Variants in TBC1D9 observed in about 807,000 individuals in gnomAD.
TBC1D9 encodes the protein TBC1 domain family member 9A.
A neutral mutation model predicts 132.0 loss-of-function variants in TBC1D9; 63 were observed. The ratio of observed to expected loss-of-function variants is 0.48; its 90% CI spans 0.39 to 0.59. TBC1D9 has a LOEUF of 0.59. Among genes scored for constraint, TBC1D9 ranks in the 20% least tolerant of loss-of-function variants. The probability of loss-of-function intolerance (pLI) is 0.00; values close to 1 mark genes in which losing one functional copy is unlikely to be tolerated. For synonymous variants in TBC1D9, 610 were observed against 609.9 expected, an observed-to-expected ratio of 1.00 and a Z score of 0.00; for missense variants, 1,261 against 1,592.7, an observed-to-expected ratio of 0.79 and a Z score of 3.54.
At chr4:140,643,060 G>A in intron 13 of TBC1D9, 4 of 1,272,466 alleles carry the variant, frequency 3.1e-6, no homozygotes, top group Non-Finnish European at 4.4e-6. Flanking sequence ...TCCTTCTTGC[G>A]CATCCAGCTG....
chr4:140,711,206 T>C (rs2111048271), intron 1 of TBC1D9, among the ~76,000 whole-genome samples: 1 of 152,334 alleles, frequency 6.6e-6, no homozygotes, highest in Admixed American at 6.5e-5. Flanking sequence ...GATGCTATTG[T>C]CTTAGATTTA....
intron 5 of TBC1D9, among the ~76,000 whole-genome samples, chr4:140,677,326 C>A (rs1737641366): frequency 6.6e-6 from 1 of 152,114 alleles, no homozygotes; most frequent in South Asian, 2.1e-4. Flanking sequence ...CACTTATAAT[C>A]CATGTCTGTA....
rs184851510 is a variant in TBC1D9 at position 140,654,263 on chromosome 4, G to A, written c.2337+2834C>T. On this transcript the variant is annotated intron_variant, in intron 13 of 20. Coordinates refer to ENST00000442267, the MANE Select transcript of TBC1D9 (RefSeq NM_015130.3). The stretch of plus-strand genomic sequence containing the variant: ...GGTCGGGTTGTACAATCTAATCCCG[G>A]TTGGCTAAACATTTGATTTTTTTAG... 6.9e-3 allele frequency among the ~76,000 whole-genome samples: 1,056 copies of A among 152,262 alleles called. 12 individuals are homozygous for A. Among genetic ancestry groups the A allele is most frequent in the Non-Finnish European group, 0.012 (810 of 68,022 alleles).
At chr4:140,734,245 C>T (rs1738640777) in intron 1 of TBC1D9, among the ~76,000 whole-genome samples, 1 of 152,188 alleles carries the variant, frequency 6.6e-6, no homozygotes, top group Non-Finnish European at 1.5e-5. Context: ...CCTCCCATCT[C>T]AGTCTCCCGA....
chr4:140,721,506 G>A (rs1026170593), intron 1 of TBC1D9, among the ~76,000 whole-genome samples: 2 of 152,070 alleles, frequency 1.3e-5, no homozygotes, highest in African/African-American at 2.4e-5. Context: ...GTGGAGTGTC[G>A]ATGCATCAGC....
intron 1 of TBC1D9, among the ~76,000 whole-genome samples, chr4:140,746,194 T>C (rs1324175463): frequency 6.6e-6 from 1 of 152,226 alleles, no homozygotes; most frequent in East Asian, 1.9e-4. Flanking sequence ...TTTAAATCTT[T>C]GTAAAGTTCA....
At chr4:140,690,534 C>T (rs907624591) in intron 2 of TBC1D9, among the ~76,000 whole-genome samples, 1 of 152,068 alleles carries the variant, frequency 6.6e-6, no homozygotes, top group African/African-American at 2.4e-5. Flanking sequence ...ACTTGTGTCA[C>T]ATGAAAAGGC....
At chr4:140,657,908 CTG>C (rs751411222) in intron 11 of TBC1D9, 96 bp from the exon 12 acceptor site, 13 of 1,340,424 alleles carry the variant, frequency 9.7e-6, no homozygotes, top group East Asian at 2.3e-5. Context: ...GCACAGGACT[CTG>C]TTCCTTTCTG....
chr4:140,742,070 T>C (rs902337975), intron 1 of TBC1D9, among the ~76,000 whole-genome samples: 5 of 152,172 alleles, frequency 3.3e-5, no homozygotes, highest in Admixed American at 3.3e-4. Flanking sequence ...CGGGCACATG[T>C]TCTCAGGTCC....
At chr4:140,681,762 G>A (rs1737705747) in intron 3 of TBC1D9, among the ~76,000 whole-genome samples, 1 of 152,164 alleles carries the variant, frequency 6.6e-6, no homozygotes, top group Admixed American at 6.5e-5. Context: ...CTCAGTGAAA[G>A]AGAAAAGAAA....
intron 1 of TBC1D9, among the ~76,000 whole-genome samples, chr4:140,727,375 C>T (rs1027193960): frequency 6.6e-6 from 1 of 152,204 alleles, no homozygotes; most frequent in Non-Finnish European, 1.5e-5. Flanking sequence ...TGCATCACTG[C>T]CCACAGCAGT....
intron 16 of TBC1D9, among the ~76,000 whole-genome samples, chr4:140,632,544 C>G (rs1736814289): frequency 3.3e-5 from 5 of 152,150 alleles, no homozygotes; most frequent in Admixed American, 3.3e-4. Flanking sequence ...CTGGGTCTAG[C>G]ATGTATTAGC....
chr4:140,667,562 C>T (rs1737467902), intron 9 of TBC1D9, among the ~76,000 whole-genome samples: 1 of 152,128 alleles, frequency 6.6e-6, no homozygotes, highest in Admixed American at 6.5e-5. Context: ...GATGAGTTGA[C>T]TCAAATTTAG....
chr4:140,692,556 C>T (rs979310993), intron 2 of TBC1D9, among the ~76,000 whole-genome samples: 1 of 151,988 alleles, frequency 6.6e-6, no homozygotes, highest in Non-Finnish European at 1.5e-5. Flanking sequence ...AAAGACAAAA[C>T]CCAAAAATAA....
chr4:140,641,886 C>T, intron 13 of TBC1D9: 1 of 381,044 alleles, frequency 2.6e-6, no homozygotes, highest in Non-Finnish European at 4.9e-6. Context: ...CCACTCGCTT[C>T]CTTCTCGCTC....
At chr4:140,687,345 TATATATATATATA>T (rs1737800305) in intron 2 of TBC1D9, among the ~76,000 whole-genome samples, 1 of 11,590 alleles carries the variant, frequency 8.6e-5, no homozygotes, top group African/African-American at 6.2e-4. Context: ...GTGTGTGTCA[TATATATATATATA>T]TATATATATA....
chr4:140,669,342 T>C (rs1319647743), intron 8 of TBC1D9, among the ~76,000 whole-genome samples: 1 of 152,172 alleles, frequency 6.6e-6, no homozygotes, highest in Non-Finnish European at 1.5e-5. Flanking sequence ...CAAGTGAAAG[T>C]AAGTTAATGA....
At chr4:140,661,186 T>C (rs1737354888) in intron 10 of TBC1D9, among the ~76,000 whole-genome samples, 1 of 152,198 alleles carries the variant, frequency 6.6e-6, no homozygotes, top group Admixed American at 6.5e-5. Context: ...AGTGTTGGGA[T>C]TACGGGCGTG....
rs760332190 is a variant in TBC1D9 at position 140,622,153 on chromosome 4, C to T, written c.*42G>A. ...CAACACAGAAGAACATAAAAAATCC[C>T]TCCCCTCCCTCTCCTCCCACTCCCC... On this transcript the variant is annotated 3_prime_UTR_variant, in exon 21 of 21. Transcript: ENST00000442267. 2.1e-5 allele frequency: 32 copies of T among 1,512,064 alleles called. No individual in the cohort carries two copies. Among genetic ancestry groups the T allele is most frequent in the Non-Finnish European group, 2.8e-5 (32 of 1,128,238 alleles). 93.7% of individuals were successfully genotyped at this position (1,512,064 alleles called of 1,614,324 possible). A position where few individuals can be genotyped will look rare whatever the true frequency, so the allele number is the denominator to read the frequency against.
Sources: gnomAD v4.1 joint callset for allele counts (sites outside exome capture counted in the v4.1 genomes callset) on GRCh38, gnomAD v4.1.1 for gene constraint, MANE v1.5 for transcripts, NCBI Gene and HGNC (gene_info 2026-07-23, HGNC 2026-07-21) for gene names.